The following GRM7 variants were observed in gnomAD, a reference collection of about 807,000 sequenced individuals.
The protein encoded by GRM7 is glutamate metabotropic receptor 7, also known as metabotropic glutamate receptor 7.
A neutral mutation model predicts 84.5 loss-of-function variants in GRM7; 35 were observed. The observed-to-expected ratio is 0.41, with a 90% CI of 0.32 to 0.55. GRM7 has a LOEUF of 0.55. Ranked by LOEUF, GRM7 falls within the 20% of genes least tolerant of loss-of-function variation. The pLI, the probability that GRM7 is intolerant of heterozygous loss-of-function variation, is 0.19. For missense variants in GRM7, 1,003 were observed against 1,194.6 expected (o/e 0.84, Z 2.36); for synonymous variants, 487 against 455.1 (o/e 1.07, Z -0.89).
At chr3:7,043,236 G>T (rs964043039) in intron 1 of GRM7, among the ~76,000 whole-genome samples, 1 of 152,162 alleles carries the variant, frequency 6.6e-6, no homozygotes, top group Non-Finnish European at 1.5e-5. Flanking sequence ...ATTGAAGCGG[G>T]GGGAGGGGGC....
intron 1 of GRM7, among the ~76,000 whole-genome samples, chr3:7,125,694 C>G (rs921266865): frequency 6.6e-6 from 1 of 152,222 alleles, no homozygotes; most frequent in African/African-American, 2.4e-5. Context: ...TTTTCATCAG[C>G]TTTAGAAGGG....
chr3:7,370,595 G>T (rs1012199494), intron 4 of GRM7, among the ~76,000 whole-genome samples: 1 of 152,036 alleles, frequency 6.6e-6, no homozygotes, highest in African/African-American at 2.4e-5. Context: ...TTTATCAGCA[G>T]CATGAAAATG....
At chr3:7,503,896 A>G (rs1175041239) in intron 7 of GRM7, among the ~76,000 whole-genome samples, 1 of 152,204 alleles carries the variant, frequency 6.6e-6, no homozygotes, top group African/African-American at 2.4e-5. Flanking sequence ...CAACATTGTT[A>G]TAGCATTATT....
intron 1 of GRM7, among the ~76,000 whole-genome samples, chr3:7,063,154 T>C (rs1367380395): frequency 6.6e-6 from 1 of 151,754 alleles, no homozygotes; most frequent in Non-Finnish European, 1.5e-5. Context: ...TACTCCCTGA[T>C]GCATGGGTAT....
intron 1 of GRM7, among the ~76,000 whole-genome samples, chr3:7,019,606 A>G (rs1695701206): frequency 6.6e-6 from 1 of 152,230 alleles, no homozygotes; most frequent in African/African-American, 2.4e-5. Flanking sequence ...CCAATGAATA[A>G]GAGTGCATGG....
At chr3:7,166,798 C>T (rs993343191) in intron 2 of GRM7, among the ~76,000 whole-genome samples, 3 of 152,194 alleles carry the variant, frequency 2.0e-5, no homozygotes, top group Non-Finnish European at 2.9e-5. Flanking sequence ...ACCACTGTAG[C>T]CTCGTCCCAG....
At chr3:6,934,579 C>T (rs62235412) in intron 1 of GRM7, among the ~76,000 whole-genome samples, 11,133 of 152,070 alleles carry the variant, frequency 0.073, 561 homozygotes, top group Non-Finnish European at 0.11. Flanking sequence ...GAGGGTATAA[C>T]TGCATATATT....
intron 4 of GRM7, among the ~76,000 whole-genome samples, chr3:7,342,660 C>G (rs775237600): frequency 7.1e-6 from 1 of 140,130 alleles, no homozygotes; most frequent in Non-Finnish European, 1.5e-5. Flanking sequence ...CCATCCCAGA[C>G]AGAGAATCTA....
chr3:7,468,629 C>A (rs1698559469), intron 7 of GRM7, among the ~76,000 whole-genome samples: 1 of 152,178 alleles, frequency 6.6e-6, no homozygotes, highest in African/African-American at 2.4e-5. Context: ...CCACCCAAAT[C>A]TCATCTTAAA....
intron 7 of GRM7, among the ~76,000 whole-genome samples, chr3:7,480,519 A>G (rs181438247): frequency 6.6e-6 from 1 of 152,344 alleles, no homozygotes; most frequent in East Asian, 1.9e-4. Context: ...TCGGCCCCAT[A>G]ATATCCACCC....
intron 2 of GRM7, among the ~76,000 whole-genome samples, chr3:7,276,281 T>G (rs1347745335): frequency 6.6e-6 from 1 of 150,740 alleles, no homozygotes; most frequent in East Asian, 2.0e-4. Flanking sequence ...TGTAGAAACA[T>G]TGCTTTGATC....
chr3:7,425,195 G>A (rs914595874), intron 5 of GRM7, among the ~76,000 whole-genome samples: 3 of 152,176 alleles, frequency 2.0e-5, no homozygotes, highest in Admixed American at 1.3e-4. Context: ...ATCCTGGATT[G>A]ATCCCTTTTG....
At chr3:7,031,615 C>G (rs569005176) in intron 1 of GRM7, among the ~76,000 whole-genome samples, 1 of 151,988 alleles carries the variant, frequency 6.6e-6, no homozygotes, top group African/African-American at 2.4e-5. Flanking sequence ...ACAGGGATTT[C>G]ACCATGTTAG....
At chr3:6,970,389 T>A (rs1303661711) in intron 1 of GRM7, among the ~76,000 whole-genome samples, 1 of 152,248 alleles carries the variant, frequency 6.6e-6, no homozygotes, top group African/African-American at 2.4e-5. Context: ...GGAAGAAAAG[T>A]TCTTTGGACC....
intron 1 of GRM7, among the ~76,000 whole-genome samples, chr3:7,086,488 A>G (rs1698462784): frequency 6.6e-6 from 1 of 152,186 alleles, no homozygotes; most frequent in African/African-American, 2.4e-5. Context: ...GGTTTCTAGA[A>G]GGCAAAAGTG....
intron 8 of GRM7, among the ~76,000 whole-genome samples, chr3:7,636,920 A>G (rs958659011): frequency 7.0e-6 from 1 of 142,990 alleles, no homozygotes; most frequent in South Asian, 2.3e-4. Flanking sequence ...CAGTGGTTTC[A>G]TAAGATGCAA....
intron 1 of GRM7, among the ~76,000 whole-genome samples, chr3:7,093,564 C>T (rs949345208): frequency 5.3e-5 from 8 of 150,970 alleles, no homozygotes; most frequent in Middle Eastern, 6.9e-3. Flanking sequence ...GTAATCCCAC[C>T]TACTCGGGGG....
At chr3:7,671,944 T>C (rs1699934206) in intron 8 of GRM7, among the ~76,000 whole-genome samples, 2 of 152,038 alleles carry the variant, frequency 1.3e-5, no homozygotes, top group Admixed American at 1.3e-4. Context: ...ATTTTATCAT[T>C]TGCCTGAGGT....
chr3:6,878,383 G>A (rs900726168), intron 1 of GRM7, among the ~76,000 whole-genome samples: 17 of 128,444 alleles, frequency 1.3e-4, no homozygotes, highest in Non-Finnish European at 2.0e-4. Flanking sequence ...GTTTGCGTGT[G>A]TGTGTGTGTG....
Sources: allele counts gnomAD v4.1 joint callset (sites outside exome capture counted in the v4.1 genomes callset), GRCh38; gene constraint gnomAD v4.1.1; transcripts MANE v1.5; gene names NCBI Gene and HGNC (gene_info 2026-07-23, HGNC 2026-07-21).